The following STX8 variants were observed in gnomAD, a reference collection of about 807,000 sequenced individuals.
STX8 encodes the protein syntaxin 8.
In STX8, 23 loss-of-function variants were observed where a neutral mutation model predicts 37.5. That is an observed-to-expected ratio of 0.61 (90% CI 0.44 to 0.87). The LOEUF is 0.87. Ranked by LOEUF, STX8 falls within the 40% of genes least tolerant of loss-of-function variation. The probability of loss-of-function intolerance (pLI) is 0.00; values close to 1 mark genes in which losing one functional copy is unlikely to be tolerated. For synonymous variants in STX8, 115 were observed against 99.1 expected, an observed-to-expected ratio of 1.16 and a Z score of -0.95; for missense variants, 313 against 284.7, an observed-to-expected ratio of 1.10 and a Z score of -0.71.
intron 6 of STX8, among the ~76,000 whole-genome samples, chr17:9,436,058 T>C (rs1239601946): frequency 1.3e-5 from 2 of 152,014 alleles, no homozygotes; most frequent in South Asian, 2.1e-4. Flanking sequence ...TGAAACAACA[T>C]ACGTGGGTCC....
At chr17:9,398,574 A>G (rs762403001) in intron 6 of STX8, among the ~76,000 whole-genome samples, 4 of 152,234 alleles carry the variant, frequency 2.6e-5, no homozygotes, top group Non-Finnish European at 4.4e-5. Flanking sequence ...TAATGATAAT[A>G]TATCAATATC....
At chr17:9,342,135 C>T (rs922256322) in intron 7 of STX8, among the ~76,000 whole-genome samples, 2 of 152,168 alleles carry the variant, frequency 1.3e-5, no homozygotes, top group African/African-American at 4.8e-5. Context: ...AGCACACAAC[C>T]TACATCCCTC....
At chr17:9,296,725 C>T (rs191024824) in intron 7 of STX8, among the ~76,000 whole-genome samples, 1 of 150,970 alleles carries the variant, frequency 6.6e-6, no homozygotes, top group Non-Finnish European at 1.5e-5. Context: ...GAATATAAAG[C>T]AGTTATTTGT....
intron 7 of STX8, among the ~76,000 whole-genome samples, chr17:9,257,088 T>G (rs1906826657): frequency 6.6e-6 from 1 of 152,146 alleles, no homozygotes; most frequent in Non-Finnish European, 1.5e-5. Flanking sequence ...GCGAGGCAGA[T>G]TTTCCCTTCC....
chr17:9,288,716 A>G (rs891304973), intron 7 of STX8, among the ~76,000 whole-genome samples: 1 of 151,616 alleles, frequency 6.6e-6, no homozygotes, highest in Non-Finnish European at 1.5e-5. Context: ...AAGAATTTCA[A>G]TGGAAGAATT....
chr17:9,378,428 A>G, intron 7 of STX8, 124 bp downstream of exon 7: 1 of 782,058 alleles, frequency 1.3e-6, no homozygotes, highest in Non-Finnish European at 2.2e-6. Flanking sequence ...TGCTTCATCA[A>G]ATGGAACTGC....
chr17:9,480,552 G>A (rs1209449072), intron 6 of STX8, among the ~76,000 whole-genome samples: 1 of 152,126 alleles, frequency 6.6e-6, no homozygotes, highest in African/African-American at 2.4e-5. Flanking sequence ...GACTCTCTAG[G>A]TCACAGATCA....
At chr17:9,513,608 TA>T (rs1182233760) in intron 4 of STX8, among the ~76,000 whole-genome samples, 3 of 152,316 alleles carry the variant, frequency 2.0e-5, no homozygotes, top group Middle Eastern at 3.4e-3. Flanking sequence ...TGGAGAGCAG[TA>T]TGGGGGTTCC....
intron 6 of STX8, among the ~76,000 whole-genome samples, chr17:9,401,596 A>C (rs779228556): frequency 1.3e-5 from 2 of 152,172 alleles, no homozygotes; most frequent in Non-Finnish European, 2.9e-5. Flanking sequence ...CTTTACTCAG[A>C]AGCTCATGCC....
At chr17:9,491,702 A>T in intron 6 of STX8, 127 bp downstream of exon 6, 2 of 784,806 alleles carry the variant, frequency 2.5e-6, no homozygotes, top group Non-Finnish European at 4.1e-6. Flanking sequence ...CCAATGCGTT[A>T]AACTGTAACA....
chr17:9,315,023 A>C (rs569730152), intron 7 of STX8, among the ~76,000 whole-genome samples: 74 of 151,190 alleles, frequency 4.9e-4, no homozygotes, highest in African/African-American at 1.7e-3. Context: ...AATCGCTTGA[A>C]TCCGGGAGGT....
intron 6 of STX8, among the ~76,000 whole-genome samples, chr17:9,480,638 G>T (rs564324439): frequency 2.0e-4 from 31 of 152,228 alleles, no homozygotes; most frequent in Admixed American, 5.2e-4. Flanking sequence ...AACTCATTCT[G>T]GTCCAAAATT....
chr17:9,433,459 T>C lies in STX8; in HGVS notation c.542-54806A>G, dbSNP rs960888156. 3.3e-5 allele frequency among the ~76,000 whole-genome samples: 5 copies of C among 152,202 alleles called. No individual in the cohort carries two copies. In the East Asian group the frequency reaches 9.6e-4, roughly 29 times the overall value. ...TCTCTTCGGCCCACAATATCACTCA[T>C]GAAAAGCATCCATTCATTCTTTCAT... On this transcript the variant is annotated intron_variant, in intron 6 of 7. Transcript: ENST00000306357.
At chr17:9,250,723 G>T in intron 7 of STX8, 78 bp from the exon 8 acceptor site, 1 of 1,372,710 alleles carries the variant, frequency 7.3e-7, no homozygotes, top group Non-Finnish European at 1.0e-6. Flanking sequence ...TGTCTGCAGA[G>T]ACTCAGAGGG....
chr17:9,448,066 T>C (rs1342389301), intron 6 of STX8, among the ~76,000 whole-genome samples: 1 of 151,488 alleles, frequency 6.6e-6, no homozygotes, highest in Non-Finnish European at 1.5e-5. Flanking sequence ...TCCCAGCTAC[T>C]TGGAAGGCTG....
At chr17:9,349,478 G>A (rs566752497) in intron 7 of STX8, among the ~76,000 whole-genome samples, 4 of 151,080 alleles carry the variant, frequency 2.6e-5, no homozygotes, top group Non-Finnish European at 3.0e-5. Flanking sequence ...CCACCACTAC[G>A]CCTGGCTAAT....
intron 7 of STX8, among the ~76,000 whole-genome samples, chr17:9,316,942 TG>T (rs1909402235): frequency 6.6e-6 from 1 of 152,200 alleles, no homozygotes. Context: ...CATTCACACC[TG>T]GTATCAGAAG....
intron 6 of STX8, among the ~76,000 whole-genome samples, chr17:9,421,012 T>G (rs959222101): frequency 9.9e-5 from 15 of 152,188 alleles, no homozygotes; most frequent in Non-Finnish European, 1.9e-4. Flanking sequence ...ACTGGACTAT[T>G]GCAATAACCT....
chr17:9,329,627 G>A (rs1909896553), intron 7 of STX8, among the ~76,000 whole-genome samples: 1 of 152,240 alleles, frequency 6.6e-6, no homozygotes, highest in South Asian at 2.1e-4. Context: ...AAGCTTCGGT[G>A]CCAAATGGGG....
Sources: gnomAD v4.1 joint callset for allele counts (sites outside exome capture counted in the v4.1 genomes callset) on GRCh38, gnomAD v4.1.1 for gene constraint, MANE v1.5 for transcripts, NCBI Gene and HGNC (gene_info 2026-07-23, HGNC 2026-07-21) for gene names.